Variants in FOXB1 observed in about 807,000 individuals in gnomAD.
The protein encoded by FOXB1 is forkhead box B1.
FOXB1 carries 6 observed loss-of-function variants against 18.6 expected under a neutral mutation model. The observed-to-expected ratio is 0.32, with a 90% CI of 0.18 to 0.64. The LOEUF is 0.64. Ranked by LOEUF, FOXB1 falls within the 30% of genes least tolerant of loss-of-function variation. The pLI, the probability that FOXB1 is intolerant of heterozygous loss-of-function variation, is 0.78. For missense variants in FOXB1, 419 were observed against 463.6 expected (o/e 0.90, Z 0.88); for synonymous variants, 213 against 216.0 (o/e 0.99, Z 0.12).
rs780287697 is a variant in FOXB1 at position 60,007,298 on chromosome 15, T to G, written c.*1357T>G. 6.6e-6 allele frequency: 1 copy of G among 152,258 alleles called. No individual in the cohort carries two copies. Among genetic ancestry groups the G allele is most frequent in the Non-Finnish European group, 1.5e-5 (1 of 68,018 alleles). 9.4% of individuals were successfully genotyped at this position (152,258 alleles called of 1,614,324 possible). On this transcript the variant is annotated 3_prime_UTR_variant, in exon 2 of 2. Transcript: ENST00000396057. ...TTTTACCTTTCATTTTCCCTCCCTG[T>G]ACAGAATTAGCGTGGCATTTTAAAT...
rs533024396 is a variant in FOXB1, at chr15:60,005,627, G to C, written c.664G>C (p.Ala222Pro). The C allele has an allele frequency of 3.7e-6, 6 of 1,608,324 alleles. No homozygotes were observed. In the African/African-American group the frequency reaches 8.0e-5, roughly 21 times the overall value. ...CGGCTGGCCACACGTGTATGGCTCC[G>C]CCGGCATGATCGACTCGGCCACCCC... Reference protein sequence around the residue: ...GTGWPHVYGSAGMIDSATPIS... With the variant: ...GTGWPHVYGSPGMIDSATPIS... Residue 222 changes from alanine (A) to proline (P), a missense_variant, in exon 2 of 2, where the codon GCC becomes CCC. By Grantham distance (27) the Ala-to-Pro change is conservative. Coordinates refer to ENST00000396057, the MANE Select transcript of FOXB1 (RefSeq NM_012182.3). This position sits in a 1 kb window ranked among gnomAD's most constrained non-coding sequence, Gnocchi z 9.8.
chr15:60,004,988 T>A lies in FOXB1; in HGVS notation c.25T>A (p.Tyr9Asn), dbSNP rs1281176792. The A allele has an allele frequency of 6.2e-7, 1 of 1,613,470 alleles. No homozygotes were observed. The highest frequency in any genetic ancestry group is 2.2e-5 in the East Asian group (1 of 44,836). Residue 9 changes from tyrosine (Y) to asparagine (N), a missense_variant, in exon 2 of 2, where the codon TAC (tyrosine) becomes AAC (asparagine). This residue lies in a region of FOXB1 where 153 missense variants were observed against 173.8 expected (regional missense o/e 0.88). Coordinates refer to ENST00000396057, the MANE Select transcript of FOXB1 (RefSeq NM_012182.3). Reference sequence around the variant, plus strand: ...GATGCCTCGGCCCGGCCGCAACACGTACAGCGACCAGAAGCCGCCCTACTC... The same window carrying A: ...GATGCCTCGGCCCGGCCGCAACACGAACAGCGACCAGAAGCCGCCCTACTC... MPRPGRNT[Y>N]SDQKPPYSYI... is the part of the protein sequence containing the mutation.
In FOXB1 at chr15:60,006,892, T is replaced by C. The variant is rs533296774; in HGVS notation, c.*951T>C. 19 of 146,086 alleles carry C rather than the reference T, an allele frequency of 1.3e-4. No individual in the cohort carries two copies. The highest frequency in any genetic ancestry group is 2.8e-4 in the Admixed American group (4 of 14,510). The allele number at this position is 146,086 out of a possible 1,614,324, so 9.0% of individuals were successfully genotyped here. ...CTTTCCGATGACTTAGAGACCTTTT[T>C]AGCTATTTATTTTATTGTTGGGAAA... On this transcript the variant is annotated 3_prime_UTR_variant, in exon 2 of 2. Transcript: ENST00000396057.
chr15:60,005,779 G>T lies in FOXB1; in HGVS notation c.816G>T (p.Ala272=), dbSNP rs1451269768. 7 of 1,602,176 alleles carry T rather than the reference G, an allele frequency of 4.4e-6. No homozygotes were observed. Among genetic ancestry groups the T allele is most frequent in the Non-Finnish European group, 5.9e-6 (7 of 1,176,916 alleles). ...AGCCCACGCCGGCCGCCGTGCCCGC[G>T]CTGCCTGCGCTGCCAGCGCCCATCC... is the stretch of plus-strand genomic sequence containing the variant. The part of the protein sequence containing the change: ...PIKPTPAAVP[A]LPALPAPIPT... The change falls in exon 2 of 2, where the codon GCG becomes GCT. Residue 272 remains alanine, a synonymous_variant. Coordinates refer to ENST00000396057, the MANE Select transcript of FOXB1 (RefSeq NM_012182.3). This position sits in a 1 kb window ranked among gnomAD's most constrained non-coding sequence, Gnocchi z 9.8.
chr15:60,004,545 A>C lies in FOXB1; in HGVS notation c.-156A>C. ...TCGCGCCGAGTCCAACCGGACCCGG[A>C]CGCTGCGCGCGGAGTGCGCGTCGAG... On this transcript the variant is annotated 5_prime_UTR_variant, in exon 1 of 2. Transcript: ENST00000396057. 1 of 163,012 alleles carries C rather than the reference A, an allele frequency of 6.1e-6. No homozygotes were observed. The highest frequency in any genetic ancestry group is 1.3e-5 in the Non-Finnish European group (1 of 75,466). 10.1% of individuals were successfully genotyped at this position (163,012 alleles called of 1,614,324 possible). A position where few individuals can be genotyped will look rare whatever the true frequency, so the allele number is the denominator to read the frequency against.
In FOXB1 at chr15:60,006,683, C is replaced by T. The variant is rs796359465; in HGVS notation, c.*742C>T. ...ACAGCAAAACAAAACTAAAAGTAAC[C>T]TTGTATTGTTTACAAAGCGCCCAGT... On this transcript the variant is annotated 3_prime_UTR_variant, in exon 2 of 2. Transcript: ENST00000396057. 6.6e-6 allele frequency: 1 copy of T among 152,278 alleles called. No homozygotes were observed. Among genetic ancestry groups the T allele is most frequent in the African/African-American group, 2.4e-5 (1 of 41,550 alleles). 9.4% of individuals were successfully genotyped at this position (152,278 alleles called of 1,614,324 possible). A position where few individuals can be genotyped will look rare whatever the true frequency, so the allele number is the denominator to read the frequency against.
chr15:60,006,732 T>C lies in FOXB1; in HGVS notation c.*791T>C, dbSNP rs1479932474. 1 of 152,194 alleles carries C rather than the reference T, an allele frequency of 6.6e-6. No individual in the cohort carries two copies. Among genetic ancestry groups the C allele is most frequent in the Admixed American group, 6.5e-5 (1 of 15,284 alleles). The allele number at this position is 152,194 out of a possible 1,614,324, so 9.4% of individuals were successfully genotyped here. Reference sequence around the variant, plus strand: ...GTAATATGTAAACAGTGAACTTGAATCTGTCTTGCTAGGCGGACGAACGGG... The same window carrying C: ...GTAATATGTAAACAGTGAACTTGAACCTGTCTTGCTAGGCGGACGAACGGG... On this transcript the variant is annotated 3_prime_UTR_variant, in exon 2 of 2. Transcript: ENST00000396057.
In FOXB1 at chr15:60,005,959, C is replaced by G; in HGVS notation, c.*18C>G. ...TGCACTGACCCGCAGGAGCCCACGC[C>G]CCCTCTCGTTCTCCTCCCCACCACC... On this transcript the variant is annotated 3_prime_UTR_variant, in exon 2 of 2. Transcript: ENST00000396057. The surrounding 1 kb of genome is among the most constrained non-coding windows in gnomAD (Gnocchi z 9.8). The G allele has an allele frequency of 6.4e-7, 1 of 1,562,098 alleles. No individual in the cohort carries two copies. The highest frequency in any genetic ancestry group is 8.6e-7 in the Non-Finnish European group (1 of 1,159,356).
chr15:60,005,039 A>C lies in FOXB1; in HGVS notation c.76A>C (p.Ile26Leu), dbSNP rs773060231. 3 of 1,614,052 alleles carry C rather than the reference A, an allele frequency of 1.9e-6. No homozygotes were observed. Among genetic ancestry groups the C allele is most frequent in the East Asian group, 4.5e-5 (2 of 44,862 alleles). ...GTACATCTCGCTGACCGCTATGGCC[A>C]TCCAGAGCTCTCCCGAGAAGATGCT... The part of the protein sequence containing the change: ...YSYISLTAMA[I>L]QSSPEKMLPL... Residue 26 changes from isoleucine (I) to leucine (L), a missense_variant, in exon 2 of 2, where the codon ATC (isoleucine) becomes CTC (leucine). By Grantham distance (5) the Ile-to-Leu change is conservative (BLOSUM62 2). Coordinates refer to ENST00000396057, the MANE Select transcript of FOXB1 (RefSeq NM_012182.3). This position sits in a 1 kb window ranked among gnomAD's most constrained non-coding sequence, Gnocchi z 9.8.
rs1428788452 is a variant in FOXB1 at position 60,007,095 on chromosome 15, C to T, written c.*1154C>T. The T allele has an allele frequency of 6.6e-6, 1 of 152,092 alleles. No individual in the cohort carries two copies. The highest frequency in any genetic ancestry group is 2.4e-5 in the African/African-American group (1 of 41,414). 9.4% of individuals were successfully genotyped at this position (152,092 alleles called of 1,614,324 possible). On this transcript the variant is annotated 3_prime_UTR_variant, in exon 2 of 2. Coordinates refer to ENST00000396057, the MANE Select transcript of FOXB1 (RefSeq NM_012182.3). Reference sequence around the variant, plus strand: ...AGAACTTTTCCAAGAAGCTAAAGGGCTGCAAAGAGATGTAAATACTTGTGA... The same window carrying T: ...AGAACTTTTCCAAGAAGCTAAAGGGTTGCAAAGAGATGTAAATACTTGTGA...
Position 60,005,962 on chromosome 15 carries a change from CT to C in FOXB1, c.*22del. The C allele has an allele frequency of 6.4e-7, 1 of 1,557,004 alleles. No homozygotes were observed. Reference sequence around the variant, plus strand: ...ACTGACCCGCAGGAGCCCACGCCCCCTCTCGTTCTCCTCCCCACCACCTCAC... The same window carrying C: ...ACTGACCCGCAGGAGCCCACGCCCCCCTCGTTCTCCTCCCCACCACCTCAC... On this transcript the variant is annotated 3_prime_UTR_variant, in exon 2 of 2. Transcript: ENST00000396057. The surrounding 1 kb of genome is among the most constrained non-coding windows in gnomAD (Gnocchi z 9.8).
In FOXB1 at chr15:60,006,264, T is replaced by G; in HGVS notation, c.*323T>G. On this transcript the variant is annotated 3_prime_UTR_variant, in exon 2 of 2. Transcript: ENST00000396057. ...GCGGGGGAAACCCTGTCACCCCCTCTTCGCCGAGAAAAGCGCGTCTTCCCT... is the reference window on the plus strand; with the variant it reads ...GCGGGGGAAACCCTGTCACCCCCTCGTCGCCGAGAAAAGCGCGTCTTCCCT... 3 of 378,950 alleles carry G rather than the reference T, an allele frequency of 7.9e-6. No homozygotes were observed. The highest frequency in any genetic ancestry group is 4.5e-5 in the East Asian group (1 of 22,380). 23.5% of individuals were successfully genotyped at this position (378,950 alleles called of 1,614,324 possible). A position where few individuals can be genotyped will look rare whatever the true frequency, so the allele number is the denominator to read the frequency against.
At position 60,006,262 on chromosome 15, in the gene FOXB1, T is replaced by C. The variant is rs887722475; in HGVS notation, c.*321T>C. The C allele has an allele frequency of 2.6e-6, 1 of 386,632 alleles. No homozygotes were observed. Among genetic ancestry groups the C allele is most frequent in the East Asian group, 4.3e-5 (1 of 23,016 alleles). 24.0% of individuals were successfully genotyped at this position (386,632 alleles called of 1,614,324 possible). On this transcript the variant is annotated 3_prime_UTR_variant, in exon 2 of 2. Transcript: ENST00000396057. Reference sequence around the variant, plus strand: ...CGGCGGGGGAAACCCTGTCACCCCCTCTTCGCCGAGAAAAGCGCGTCTTCC... The same window carrying C: ...CGGCGGGGGAAACCCTGTCACCCCCCCTTCGCCGAGAAAAGCGCGTCTTCC...
At position 60,006,000 on chromosome 15, in the gene FOXB1, G is replaced by T; in HGVS notation, c.*59G>T. On this transcript the variant is annotated 3_prime_UTR_variant, in exon 2 of 2. Coordinates refer to ENST00000396057, the MANE Select transcript of FOXB1 (RefSeq NM_012182.3). The surrounding 1 kb of genome is among the most constrained non-coding windows in gnomAD (Gnocchi z 9.8). ...CCCCACCACCTCACTCGCCTTCCCT[G>T]GCTCCCAGTCCTGCCGGCCCCCACC... The T allele has an allele frequency of 1.3e-6, 2 of 1,494,130 alleles. No individual in the cohort carries two copies. Among genetic ancestry groups the T allele is most frequent in the East Asian group, 2.5e-5 (1 of 39,992 alleles). 92.6% of individuals were successfully genotyped at this position (1,494,130 alleles called of 1,614,324 possible).
rs1444626709 is a variant in FOXB1 at position 60,007,321 on chromosome 15, A to C, written c.*1380A>C. 1 of 152,166 alleles carries C rather than the reference A, an allele frequency of 6.6e-6. No homozygotes were observed. The highest frequency in any genetic ancestry group is 1.5e-5 in the Non-Finnish European group (1 of 68,036). 9.4% of individuals were successfully genotyped at this position (152,166 alleles called of 1,614,324 possible). Reference sequence around the variant, plus strand: ...TGTACAGAATTAGCGTGGCATTTTAAATATTGATGTTCTTGTTCCCAGCAT... The same window carrying C: ...TGTACAGAATTAGCGTGGCATTTTACATATTGATGTTCTTGTTCCCAGCAT... On this transcript the variant is annotated 3_prime_UTR_variant, in exon 2 of 2. Coordinates refer to ENST00000396057, the MANE Select transcript of FOXB1 (RefSeq NM_012182.3).
Position 60,005,872 on chromosome 15 carries a change from C to G in FOXB1, c.909C>G (p.Ser303Arg). ...PTSSQTATSQ[S>R]SPATPSETLT... Reference sequence around the variant, plus strand: ...CCTCGCAAACAGCCACCAGCCAAAGCAGCCCCGCCACCCCCAGCGAAACGC... The same window carrying G: ...CCTCGCAAACAGCCACCAGCCAAAGGAGCCCCGCCACCCCCAGCGAAACGC... The change falls in exon 2 of 2, where the codon AGC (serine) becomes AGG (arginine). Residue 303 changes from serine (S) to arginine (R), a missense_variant. By Grantham distance (110) the Ser-to-Arg change is moderately radical (BLOSUM62 -1). Around this residue, in one of 3 missense-constraint regions of FOXB1, gnomAD observed 195 missense variants for 179.8 expected, o/e 1.08. Transcript: ENST00000396057. The surrounding 1 kb of genome is among the most constrained non-coding windows in gnomAD (Gnocchi z 9.8). 4 of 1,597,532 alleles carry G rather than the reference C, an allele frequency of 2.5e-6. No homozygotes were observed. Among genetic ancestry groups the G allele is most frequent in the Non-Finnish European group, 3.4e-6 (4 of 1,173,630 alleles).
rs571926356 is a variant in FOXB1, at chr15:60,005,170, C to G, written c.207C>G (p.Asp69Glu). The part of the protein sequence containing the change: ...NSLRHNLSFN[D>E]CFIKIPRRPD... ...TGCGCCACAACCTCTCCTTCAACGACTGCTTCATCAAGATCCCGCGGCGGC... is the reference window on the plus strand; with the variant it reads ...TGCGCCACAACCTCTCCTTCAACGAGTGCTTCATCAAGATCCCGCGGCGGC... Residue 69 changes from aspartate to glutamate, a missense_variant, in exon 2 of 2, where the codon GAC becomes GAG. Physicochemically the swap from Asp to Glu is conservative, Grantham distance 45. Coordinates refer to ENST00000396057, the MANE Select transcript of FOXB1 (RefSeq NM_012182.3). The surrounding 1 kb of genome is among the most constrained non-coding windows in gnomAD (Gnocchi z 9.8). 3.1e-6 allele frequency: 5 copies of G among 1,614,252 alleles called. No individual in the cohort carries two copies. The East Asian group carries it at 1.1e-4, about 36-fold the overall frequency.
intron 1 of FOXB1, 99 bp downstream of exon 1, chr15:60,004,742 G>A: frequency 1.8e-6 from 1 of 545,020 alleles, no homozygotes; most frequent in South Asian, 2.6e-5. Context: ...CCCCTCCCGC[G>A]CCCACTAAGC....
At position 60,006,133 on chromosome 15, in the gene FOXB1, G is replaced by C. The variant is rs1892094077; in HGVS notation, c.*192G>C. The stretch of plus-strand genomic sequence containing the variant: ...CCAAACACAAACTTGCAGATGGGCC[G>C]AGAGGCGCGTGGGAGTTGTCCTCGC... On this transcript the variant is annotated 3_prime_UTR_variant, in exon 2 of 2. Coordinates refer to ENST00000396057, the MANE Select transcript of FOXB1 (RefSeq NM_012182.3). 2 of 702,526 alleles carry C rather than the reference G, an allele frequency of 2.8e-6. No individual in the cohort carries two copies. The allele number at this position is 702,526 out of a possible 1,614,324, so 43.5% of individuals were successfully genotyped here.
Sources: gnomAD v4.1 joint callset for allele counts on GRCh38, gnomAD v4.1.1 for gene constraint, gnomAD v4.1.1 regional missense constraint, Gnocchi (gnomAD v3.1) non-coding constraint, MANE v1.5 for transcripts, NCBI Gene and HGNC (gene_info 2026-07-23, HGNC 2026-07-21) for gene names.